The following IQSEC3 variants were observed in gnomAD, a reference collection of about 807,000 sequenced individuals.
IQSEC3 encodes IQ motif and Sec7 domain ArfGEF 3.
Under a neutral mutation model 105.4 loss-of-function variants are expected in IQSEC3, and 50 were observed. The observed-to-expected ratio is 0.47, with a 90% confidence interval of 0.38 to 0.60. IQSEC3 has a LOEUF of 0.60. IQSEC3 is among the 20% of genes least tolerant of loss of function. The probability of loss-of-function intolerance (pLI) is 0.00; values close to 1 mark genes in which losing one functional copy is unlikely to be tolerated. For synonymous variants in IQSEC3, 708 were observed against 746.0 expected (o/e 0.95, Z 0.83); for missense variants, 1,415 against 1,630.0 (o/e 0.87, Z 2.27).
intron 1 of IQSEC3, among the ~76,000 whole-genome samples, chr12:95,825 C>T (rs896918837): frequency 1.2e-4 from 18 of 152,122 alleles, no homozygotes; most frequent in African/African-American, 3.1e-4. Flanking sequence ...AATAGGTAGG[C>T]GTAATTCCAT....
At chr12:131,822 C>T (rs965753736) in intron 3 of IQSEC3, among the ~76,000 whole-genome samples, 4 of 152,116 alleles carry the variant, frequency 2.6e-5, no homozygotes, top group African/African-American at 9.7e-5. Context: ...GCAGGCCCAA[C>T]TCTGGGATCA....
At chr12:108,126 A>G (rs1565401187) in intron 2 of IQSEC3, among the ~76,000 whole-genome samples, 1 of 152,170 alleles carries the variant, frequency 6.6e-6, no homozygotes, top group African/African-American at 2.4e-5. Context: ...CCCTAACCCT[A>G]GCTTCTATAG....
chr12:172,171 T>A (rs1555100538), intron 13 of IQSEC3, among the ~76,000 whole-genome samples: 1 of 152,104 alleles, frequency 6.6e-6, no homozygotes, highest in Non-Finnish European at 1.5e-5. Context: ...GACTAAGCCC[T>A]GGGAAGCAGC....
At chr12:128,868 T>C (rs1222787947) in intron 3 of IQSEC3, among the ~76,000 whole-genome samples, 1 of 152,206 alleles carries the variant, frequency 6.6e-6, no homozygotes, top group Non-Finnish European at 1.5e-5. Flanking sequence ...GGAAAGCCTC[T>C]GATGGCTCCT....
Position 139,056 on chromosome 12 carries a change from G to T in IQSEC3, c.1693G>T (p.Gly565Trp), listed in dbSNP as rs1327340097. The T allele has an allele frequency of 7.4e-6, 11 of 1,484,498 alleles. No homozygotes were observed. Among genetic ancestry groups the T allele is most frequent in the Non-Finnish European group, 9.9e-6 (11 of 1,116,632 alleles). The allele number at this position is 1,484,498 out of a possible 1,614,324, so 92.0% of individuals were successfully genotyped here. ...GGCTGCGGCTAGTGGGGCGGCGGAT[G>T]GGGCCACAGCCCCCAAAACAGAGGA... ...AEAAASGAAD[G>W]ATAPKTEEEE... Residue 565 changes from glycine to tryptophan, a missense_variant, in exon 4 of 14, where the codon GGG becomes TGG. This residue lies in a region of IQSEC3 where 720 missense variants were observed against 633.0 expected (regional missense o/e 1.14). Coordinates refer to ENST00000538872, the MANE Select transcript of IQSEC3 (RefSeq NM_001170738.2).
At chr12:172,281 C>T (rs1939046285) in intron 13 of IQSEC3, among the ~76,000 whole-genome samples, 1 of 150,648 alleles carries the variant, frequency 6.6e-6, no homozygotes, top group Non-Finnish European at 1.5e-5. Context: ...GGAGGAGCTT[C>T]CTGCCCCAGC....
chr12:138,599 C>T lies in IQSEC3; in HGVS notation c.1236C>T (p.Ser412=). The T allele has an allele frequency of 6.3e-7, 1 of 1,589,618 alleles. No homozygotes were observed. Among genetic ancestry groups the T allele is most frequent in the Non-Finnish European group, 8.5e-7 (1 of 1,175,528 alleles). ...AGCAGGTGCAATCCCTGGCCAAGTC[C>T]ATCGACGACGCGCTCAGCACGTGGA... ...FTEQVQSLAK[S]IDDALSTWSL... is the part of the protein sequence containing the mutation. The change falls in exon 4 of 14, where the codon TCC becomes TCT. Residue 412 remains serine (S), a synonymous_variant. Transcript: ENST00000538872. This position sits in a 1 kb window ranked among gnomAD's most constrained non-coding sequence, Gnocchi z 7.1.
intron 2 of IQSEC3, among the ~76,000 whole-genome samples, chr12:104,743 T>C (rs1298259180): frequency 2.0e-5 from 3 of 152,230 alleles, no homozygotes; most frequent in Non-Finnish European, 4.4e-5. Context: ...CGGGGTACCC[T>C]GGAGGACGGG....
chr12:138,409 G>C lies in IQSEC3; in HGVS notation c.1046G>C (p.Arg349Pro). The C allele has an allele frequency of 1.9e-6, 3 of 1,609,640 alleles. No individual in the cohort carries two copies. The highest frequency in any genetic ancestry group is 2.5e-6 in the Non-Finnish European group (3 of 1,179,840). ...RNSLLESRLP[R>P]RISLRKVRSP... is the part of the protein sequence containing the mutation. ...TCGCTTCTGGAGAGCCGCCTGCCAC[G>C]GCGGATCTCCCTGCGCAAGGTGCGG... is the stretch of plus-strand genomic sequence containing the variant. The change falls in exon 4 of 14, where the codon CGG (arginine) becomes CCG (proline). Residue 349 changes from arginine (R) to proline (P), a missense_variant. By Grantham distance (103) the Arg-to-Pro change is moderately radical. Coordinates refer to ENST00000538872, the MANE Select transcript of IQSEC3 (RefSeq NM_001170738.2). The surrounding 1 kb of genome is among the most constrained non-coding windows in gnomAD (Gnocchi z 7.1).
intron 1 of IQSEC3, among the ~76,000 whole-genome samples, chr12:96,404 C>G (rs894922955): frequency 1.3e-5 from 2 of 152,156 alleles, no homozygotes; most frequent in African/African-American, 4.8e-5. Context: ...GTGCGAGACT[C>G]TTAACTGATT....
Position 138,756 on chromosome 12 carries a change from G to C in IQSEC3, c.1393G>C (p.Asp465His). 6.4e-7 allele frequency: 1 copy of C among 1,557,764 alleles called. No individual in the cohort carries two copies. The highest frequency in any genetic ancestry group is 2.4e-5 in the East Asian group (1 of 42,238). Residue 465 changes from aspartate (D) to histidine (H), a missense_variant, in exon 4 of 14, where the codon GAT (aspartate) becomes CAT (histidine). Physicochemically the swap from Asp to His is moderately conservative, Grantham distance 81. This residue lies in a region of IQSEC3 where 720 missense variants were observed against 633.0 expected (regional missense o/e 1.14). Coordinates refer to ENST00000538872, the MANE Select transcript of IQSEC3 (RefSeq NM_001170738.2). The surrounding 1 kb of genome is among the most constrained non-coding windows in gnomAD (Gnocchi z 7.1). ...APESAGPGPGDDAAETPGLPP... is the reference protein window; with the variant it reads ...APESAGPGPGHDAAETPGLPP... The stretch of plus-strand genomic sequence containing the variant: ...GGAGAGCGCGGGCCCCGGGCCCGGG[G>C]ATGACGCCGCGGAGACCCCCGGCCT...
At chr12:110,570 G>C (rs1257789400) in intron 2 of IQSEC3, among the ~76,000 whole-genome samples, 1 of 151,978 alleles carries the variant, frequency 6.6e-6, no homozygotes, top group Non-Finnish European at 1.5e-5. Flanking sequence ...GGGAATTTCT[G>C]CTCAGCTGGC....
intron 1 of IQSEC3, among the ~76,000 whole-genome samples, chr12:79,759 G>C (rs782275494): frequency 2.0e-5 from 3 of 152,190 alleles, no homozygotes; most frequent in African/African-American, 7.2e-5. Context: ...AAAGAAAAGA[G>C]TTTACAGTGA....
At chr12:148,377 C>T (rs1866368176) in intron 5 of IQSEC3, 1 of 152,198 alleles carries the variant, frequency 6.6e-6, no homozygotes, top group Non-Finnish European at 1.5e-5. Flanking sequence ...GTTTGAGACC[C>T]ACCAGCAAAC....
intron 1 of IQSEC3, among the ~76,000 whole-genome samples, chr12:79,371 C>G (rs1162026497): frequency 2.6e-5 from 4 of 152,152 alleles, no homozygotes; most frequent in African/African-American, 9.7e-5. Flanking sequence ...GCCACCTGTA[C>G]TTGTACAGGT....
rs1013652956 is a variant in IQSEC3 at position 138,066 on chromosome 12, T to G, written c.904-201T>G. On this transcript the variant is annotated intron_variant, in intron 3 of 13. Transcript: ENST00000538872. This position sits in a 1 kb window ranked among gnomAD's most constrained non-coding sequence, Gnocchi z 7.1. ...ATCACTAGTCCCCAGAACGGACCCC[T>G]CCGTCCTACACCTCTAGGAGTCTTG... Among the ~76,000 whole-genome samples, 13 of 151,896 alleles carry G rather than the reference T, an allele frequency of 8.6e-5. No individual in the cohort carries two copies. The highest frequency in any genetic ancestry group is 1.3e-4 in the Non-Finnish European group (9 of 67,944).
Position 141,232 on chromosome 12 carries a change from G to A in IQSEC3, c.2100G>A (p.Met700Ile). 6.2e-7 allele frequency: 1 copy of A among 1,614,058 alleles called. No individual in the cohort carries two copies. The highest frequency in any genetic ancestry group is 1.3e-5 in the African/African-American group (1 of 75,010). Residue 700 changes from methionine to isoleucine, a missense_variant, in exon 5 of 14, where the codon ATG becomes ATA. This residue lies in a region of IQSEC3 where 213 missense variants were observed against 306.2 expected (regional missense o/e 0.70). Coordinates refer to ENST00000538872, the MANE Select transcript of IQSEC3 (RefSeq NM_001170738.2). ...LLQRKGLSRQMIGEFLGNSKK... is the reference protein window; with the variant it reads ...LLQRKGLSRQIIGEFLGNSKK... The stretch of plus-strand genomic sequence containing the variant: ...AGCGAAAGGGCCTCAGCCGCCAGAT[G>A]ATTGGAGAGTTCCTGGGCAACAGCA...
chr12:104,811 C>T (rs1229552045), intron 2 of IQSEC3, among the ~76,000 whole-genome samples: 1 of 152,276 alleles, frequency 6.6e-6, no homozygotes, highest in Non-Finnish European at 1.5e-5. Flanking sequence ...TGGGGCATTT[C>T]TGCCTCTCCT....
rs534374147 is a variant in IQSEC3 at position 107,796 on chromosome 12, C to T, written c.623+8582C>T. Among the ~76,000 whole-genome samples, 82 of 151,898 alleles carry T rather than the reference C, an allele frequency of 5.4e-4. 1 individual carries two copies. The highest frequency in any genetic ancestry group is 1.9e-3 in the African/African-American group (80 of 41,436). ...ACTTGTTTAACAAGGGTGTAGATCC[C>T]TATACACCCGTAATTCTTGAGTATT... On this transcript the variant is annotated intron_variant, in intron 2 of 13. Coordinates refer to ENST00000538872, the MANE Select transcript of IQSEC3 (RefSeq NM_001170738.2).
Sources: allele counts gnomAD v4.1 joint callset (sites outside exome capture counted in the v4.1 genomes callset), GRCh38; gene constraint gnomAD v4.1.1; regional missense constraint gnomAD v4.1.1; non-coding constraint Gnocchi (gnomAD v3.1); transcripts MANE v1.5; gene names NCBI Gene and HGNC (gene_info 2026-07-23, HGNC 2026-07-21).